The following ELMO1 variants were observed in gnomAD, a reference collection of about 807,000 sequenced individuals.
ELMO1 encodes engulfment and cell motility 1.
Under a neutral mutation model 98.9 loss-of-function variants are expected in ELMO1, and 26 were observed. That is an observed-to-expected ratio of 0.26 (90% CI 0.19 to 0.36). The LOEUF (loss-of-function observed/expected upper bound fraction) is 0.36, where lower values mean the gene tolerates loss of function less well. Ranked by LOEUF, ELMO1 falls within the 10% of genes least tolerant of loss-of-function variation. The pLI, the probability that ELMO1 is intolerant of heterozygous loss-of-function variation, is 1.00. For synonymous variants in ELMO1, 346 were observed against 346.0 expected, an observed-to-expected ratio of 1.00 and a Z score of 0.00; for missense variants, 627 against 935.2, an observed-to-expected ratio of 0.67 and a Z score of 4.30.
At chr7:36,946,584 T>C (rs1584415487) in intron 16 of ELMO1, among the ~76,000 whole-genome samples, 1 of 152,232 alleles carries the variant, frequency 6.6e-6, no homozygotes, top group Non-Finnish European at 1.5e-5. Context: ...CAAAGGACTA[T>C]TGTTATCTGT....
intron 1 of ELMO1, among the ~76,000 whole-genome samples, chr7:37,377,956 A>C (rs928046130): frequency 7.2e-5 from 11 of 152,218 alleles, no homozygotes; most frequent in Non-Finnish European, 1.3e-4. Context: ...GCATATGGAA[A>C]TCGACCTTGT....
At position 37,147,949 on chromosome 7, in the gene ELMO1, G is replaced by A. The variant is rs139395257; in HGVS notation, c.1087-14715C>T. Among the ~76,000 whole-genome samples the A allele has an allele frequency of 5.5e-4, 84 of 152,180 alleles. No individual in the cohort carries two copies. In the East Asian group the frequency reaches 9.1e-3, roughly 16 times the overall value. ...TTCCGTTGTTAGTTGGACTAACAAC[G>A]TCTTCAGGCATCTGAAAGGGTATTG... is the stretch of plus-strand genomic sequence containing the variant. On this transcript the variant is annotated intron_variant, in intron 13 of 21. Transcript: ENST00000310758.
intron 4 of ELMO1, among the ~76,000 whole-genome samples, chr7:37,276,893 G>A (rs533137109): frequency 6.6e-6 from 1 of 152,294 alleles, no homozygotes; most frequent in South Asian, 2.1e-4. Context: ...TCCTCAGTCT[G>A]TTTCAGAGGG....
chr7:36,996,421 T>C (rs1792213487), intron 16 of ELMO1, among the ~76,000 whole-genome samples: 1 of 147,292 alleles, frequency 6.8e-6, no homozygotes, highest in Non-Finnish European at 1.5e-5. Context: ...AGCTCATATA[T>C]ATTTCTTTCT....
intron 16 of ELMO1, among the ~76,000 whole-genome samples, chr7:36,958,194 A>C (rs1215102032): frequency 6.6e-6 from 1 of 152,186 alleles, no homozygotes; most frequent in African/African-American, 2.4e-5. Flanking sequence ...TCATGAATAC[A>C]TCCCCAGTAC....
intron 1 of ELMO1, among the ~76,000 whole-genome samples, chr7:37,444,533 G>T (rs1314294293): frequency 6.6e-6 from 1 of 151,476 alleles, no homozygotes; most frequent in Non-Finnish European, 1.5e-5. Context: ...TTTTTTTTGA[G>T]ATGGAGTCTT....
intron 1 of ELMO1, among the ~76,000 whole-genome samples, chr7:37,365,604 G>C (rs976886519): frequency 1.3e-5 from 2 of 152,168 alleles, no homozygotes; most frequent in East Asian, 1.9e-4. Context: ...AGCCATCATA[G>C]AAGTTCAAAC....
intron 16 of ELMO1, among the ~76,000 whole-genome samples, chr7:36,973,068 A>T (rs911317832): frequency 6.6e-6 from 1 of 152,250 alleles, no homozygotes; most frequent in African/African-American, 2.4e-5. Flanking sequence ...GGCGTAAGCC[A>T]CCCATGCCAG....
chr7:36,863,321 C>A (rs1802780670), intron 20 of ELMO1, among the ~76,000 whole-genome samples: 1 of 152,128 alleles, frequency 6.6e-6, no homozygotes. Flanking sequence ...AGCAAACAAA[C>A]AAAAACAATT....
intron 4 of ELMO1, among the ~76,000 whole-genome samples, chr7:37,301,340 A>G (rs1172150507): frequency 6.6e-6 from 1 of 152,120 alleles, no homozygotes; most frequent in Non-Finnish European, 1.5e-5. Flanking sequence ...TCAGAAAAAA[A>G]AAAAACTATT....
At chr7:36,904,260 G>A (rs1314700425) in intron 16 of ELMO1, among the ~76,000 whole-genome samples, 3 of 152,248 alleles carry the variant, frequency 2.0e-5, no homozygotes, top group Admixed American at 2.0e-4. Context: ...AGTATAAAAG[G>A]TGACTTTTCA....
chr7:36,974,678 C>G (rs922003280), intron 16 of ELMO1, among the ~76,000 whole-genome samples: 4 of 152,262 alleles, frequency 2.6e-5, no homozygotes, highest in South Asian at 2.1e-4. Context: ...GCAGGCTGCC[C>G]GAGCCAGCAG....
intron 1 of ELMO1, among the ~76,000 whole-genome samples, chr7:37,446,359 A>G (rs111724778): frequency 2.3e-3 from 345 of 152,336 alleles, no homozygotes; most frequent in African/African-American, 7.9e-3. Context: ...CCAGGGAGTA[A>G]AAGGTACTAA....
chr7:37,430,464 T>G (rs1804887563), intron 1 of ELMO1, among the ~76,000 whole-genome samples: 1 of 152,166 alleles, frequency 6.6e-6, no homozygotes, highest in African/African-American at 2.4e-5. Flanking sequence ...AATGGTCGCT[T>G]CTCCCAGACA....
At chr7:37,379,552 A>T (rs1802501456) in intron 1 of ELMO1, among the ~76,000 whole-genome samples, 1 of 152,184 alleles carries the variant, frequency 6.6e-6, no homozygotes, top group African/African-American at 2.4e-5. Context: ...CTTGTCAATA[A>T]AAGCTTATTG....
Position 37,166,253 on chromosome 7 carries a change from C to T in ELMO1, c.1087-33019G>A, listed in dbSNP as rs529086698. ...TTTTTTTCTTTATTAGTCTTGCTAG[C>T]GGTCAATCAACTTTGTTGATCCTTT... On this transcript the variant is annotated intron_variant, in intron 13 of 21. Coordinates refer to ENST00000310758, the MANE Select transcript of ELMO1 (RefSeq NM_014800.11). Among the ~76,000 whole-genome samples, 1,025 of 152,184 alleles carry T rather than the reference C, an allele frequency of 6.7e-3. 7 individuals carry two copies. The highest frequency in any genetic ancestry group is 0.011 in the Non-Finnish European group (718 of 68,006).
intron 14 of ELMO1, among the ~76,000 whole-genome samples, chr7:37,100,474 A>G (rs914894142): frequency 3.9e-5 from 6 of 152,182 alleles, no homozygotes; most frequent in African/African-American, 1.4e-4. Flanking sequence ...TCACTCAAAT[A>G]TGAATCCCTT....
intron 2 of ELMO1, among the ~76,000 whole-genome samples, chr7:37,325,686 GATTTTACTTTGGA>G (rs1241926253): frequency 2.0e-5 from 3 of 152,160 alleles, no homozygotes; most frequent in African/African-American, 7.2e-5. Context: ...CAGCACTTGG[GATTTTACTTTGGA>G]ATTTTACTTT....
intron 15 of ELMO1, among the ~76,000 whole-genome samples, chr7:37,020,978 G>A (rs1470753135): frequency 1.3e-5 from 2 of 152,248 alleles, no homozygotes; most frequent in Admixed American, 1.3e-4. Context: ...GGTCAGTCTG[G>A]ATAATATATT....
Sources: allele counts gnomAD v4.1 joint callset (sites outside exome capture counted in the v4.1 genomes callset), GRCh38; gene constraint gnomAD v4.1.1; transcripts MANE v1.5; gene names NCBI Gene and HGNC (gene_info 2026-07-23, HGNC 2026-07-21).